ZP2: variants seen among roughly 807,000 people sequenced by gnomAD.
ZP2 encodes the protein zona pellucida sperm-binding protein 2.
ZP2 carries 51 observed loss-of-function variants against 84.0 expected under a neutral mutation model. The observed-to-expected ratio is 0.61, with a 90% CI of 0.49 to 0.77. The LOEUF (loss-of-function observed/expected upper bound fraction) is 0.77, where lower values mean the gene tolerates loss of function less well. Among genes scored for constraint, ZP2 ranks in the 30% least tolerant of loss-of-function variants. The pLI is 0.00. For missense variants in ZP2, 909 were observed against 911.9 expected, an observed-to-expected ratio of 1.00 and a Z score of 0.04; for synonymous variants, 375 against 330.9, an observed-to-expected ratio of 1.13 and a Z score of -1.45.
intron 14 of ZP2, among the ~76,000 whole-genome samples, 172 bp from the exon 15 acceptor site, chr16:21,200,050 A>C (rs1474617417): frequency 6.6e-6 from 1 of 152,232 alleles, no homozygotes. Context: ...TACCTATGAA[A>C]TCATAAGTTG....
upstream of ZP2, among the ~76,000 whole-genome samples, chr16:21,213,791 G>C (rs866844994): frequency 1.3e-5 from 2 of 152,142 alleles, no homozygotes; most frequent in South Asian, 2.1e-4. Flanking sequence ...TCATTTTATA[G>C]CCAAAGCATG....
chr16:21,212,352 C>T (rs2093278698), upstream of ZP2, among the ~76,000 whole-genome samples: 1 of 152,156 alleles, frequency 6.6e-6, no homozygotes, highest in African/African-American at 2.4e-5. Context: ...CTTAAGCTTA[C>T]CGCAAAGATA....
At chr16:21,214,156 TGTG>T, upstream of ZP2, 1 of 798,062 alleles carries the variant, frequency 1.3e-6, no homozygotes, top group Non-Finnish European at 1.5e-6. Flanking sequence ...AAGCAGGAGA[TGTG>T]GTGAGAAAGC....
intron 3 of ZP2, 53 bp downstream of exon 3, chr16:21,210,056 G>A: frequency 6.5e-7 from 1 of 1,538,956 alleles, no homozygotes; most frequent in South Asian, 1.1e-5. Flanking sequence ...ATTGACCTAA[G>A]CCAAAGGCTG....
chr16:21,208,986 C>CT (rs1419528953), intron 4 of ZP2, among the ~76,000 whole-genome samples: 1 of 152,196 alleles, frequency 6.6e-6, no homozygotes, highest in East Asian at 1.9e-4. Flanking sequence ...GCCAGGGTTT[C>CT]TCATCCTCAA....
chr16:21,197,818 C>T lies in ZP2; in HGVS notation c.2043G>A (p.Gly681=), dbSNP rs760368574. 2.5e-6 allele frequency: 4 copies of T among 1,614,022 alleles called. No homozygotes were observed. Residue 681 remains glycine (G), a synonymous_variant, in exon 18 of 19, where the codon GGG becomes GGA. Transcript: ENST00000574091. Reference sequence around the variant, plus strand: ...CACTCCTACTCTTCTCCCCACTGCTCCCACTTGCTTTTAGATCAGATGAGC... The same window carrying T: ...CACTCCTACTCTTCTCCCCACTGCTTCCACTTGCTTTTAGATCAGATGAGC... The part of the protein sequence containing the change: ...GVGSSDLKAS[G]SSGEKSRSET...
At chr16:21,199,716 G>C in intron 15 of ZP2, 27 bp downstream of exon 15, 1 of 1,613,728 alleles carries the variant, frequency 6.2e-7, no homozygotes, top group Non-Finnish European at 8.5e-7. Flanking sequence ...CATTTAACCT[G>C]TCCCTGGTGA....
In ZP2 at chr16:21,205,461, A is replaced by T. The variant is rs145104390; in HGVS notation, c.652T>A (p.Phe218Ile). Residue 218 changes from phenylalanine to isoleucine, a missense_variant, in exon 7 of 19, where the codon TTC becomes ATC. Transcript: ENST00000574091. ...CCAGTGGCATTGAATGGCACATGGA[A>T]GGTCATCCTGTGGTTGTCAATCAAG... ...SLLIDNHRMTFHVPFNATGVT... is the reference protein window; with the variant it reads ...SLLIDNHRMTIHVPFNATGVT... The T allele has an allele frequency of 2.5e-6, 4 of 1,614,008 alleles. No homozygotes were observed. In the African/African-American group the frequency reaches 5.3e-5, roughly 22 times the overall value.
At chr16:21,204,235 C>A in intron 8 of ZP2, 24 bp from the exon 9 acceptor site, 1 of 1,613,936 alleles carries the variant, frequency 6.2e-7, no homozygotes, top group East Asian at 2.2e-5. Flanking sequence ...CAACAGAATG[C>A]CCATTACCAG....
At position 21,209,711 on chromosome 16, in the gene ZP2, C is replaced by T. The variant is rs369985819; in HGVS notation, c.250G>A (p.Asp84Asn). 30 of 1,613,942 alleles carry T rather than the reference C, an allele frequency of 1.9e-5. No individual in the cohort carries two copies. The highest frequency in any genetic ancestry group is 8.3e-5 in the Admixed American group (5 of 59,980). Residue 84 changes from aspartate to asparagine, a missense_variant, in exon 4 of 19, where the codon GAC (aspartate) becomes AAC (asparagine). Coordinates refer to ENST00000574091, the MANE Select transcript of ZP2 (RefSeq NM_001376232.1). ...HASVVDPLGL[D>N]MPNCTYILDP... is the part of the protein sequence containing the mutation. ...AGGATGTAAGTGCAGTTCGGCATGT[C>T]GAGACCAAGAGGATCTGCCAAGGCC...
chr16:21,197,525 G>T lies in ZP2; in HGVS notation c.2193C>A (p.Gly731=), dbSNP rs2093204672. The T allele has an allele frequency of 1.9e-6, 3 of 1,614,056 alleles. No individual in the cohort carries two copies. Among genetic ancestry groups the T allele is most frequent in the Admixed American group, 1.7e-5 (1 of 60,004 alleles). The change falls in exon 19 of 19, where the codon GGC becomes GGA. Residue 731 remains glycine (G), a synonymous_variant. Transcript: ENST00000574091. ...TTTTCTCGTACAGGTAGTAGATGAA[G>T]CCTAGAGTTGCCACCACACCTGCAA... ...AAFAGVVATL[G]FIYYLYEKRT...
Position 21,199,804 on chromosome 16 carries a change from T to C in ZP2, c.1769A>G (p.Tyr590Cys), listed in dbSNP as rs1175108991. ...VGSSVTHPDH[Y>C]QRFDMKAFAF... ...AAAAGCCTTCATGTCAAACCTCTGA[T>C]AGTGATCAGGATGGGTCACAGAGGA... The change falls in exon 15 of 19, where the codon TAT becomes TGT. Residue 590 changes from tyrosine to cysteine, a missense_variant. Transcript: ENST00000574091. 1.2e-6 allele frequency: 2 copies of C among 1,613,940 alleles called. No individual in the cohort carries two copies. The highest frequency in any genetic ancestry group is 8.5e-7 in the Non-Finnish European group (1 of 1,180,018).
intron 10 of ZP2, 46 bp downstream of exon 10, chr16:21,203,079 C>T: frequency 6.3e-7 from 1 of 1,598,430 alleles, no homozygotes; most frequent in Non-Finnish European, 8.5e-7. Flanking sequence ...GTACAAGAGC[C>T]AAGGGAGAAA....
At chr16:21,199,318 CAAAAAAAAAAAAAAA>C (rs10644558) in intron 16 of ZP2, among the ~76,000 whole-genome samples, 2 of 45,728 alleles carry the variant, frequency 4.4e-5, no homozygotes, top group East Asian at 2.1e-3. Context: ...AAAACTGTCT[CAAAAAAAAAAAAAAA>C]AAAAAAAAAA....
intron 2 of ZP2, among the ~76,000 whole-genome samples, chr16:21,210,537 A>G (rs969681278): frequency 1.3e-5 from 2 of 152,056 alleles, no homozygotes; most frequent in African/African-American, 4.8e-5. Context: ...TTGCAAATTG[A>G]TGTTAAACAA....
At chr16:21,200,213 A>G (rs1397200985) in intron 14 of ZP2, among the ~76,000 whole-genome samples, 2 of 152,158 alleles carry the variant, frequency 1.3e-5, no homozygotes, top group Non-Finnish European at 2.9e-5. Context: ...TGAGGTGGGC[A>G]GATCACCTGA....
At chr16:21,210,018 A>C in intron 3 of ZP2, 91 bp downstream of exon 3, 2 of 1,149,746 alleles carry the variant, frequency 1.7e-6, no homozygotes, top group Non-Finnish European at 2.6e-6. Context: ...TTGCTGCAGG[A>C]GTTTGGGTAC....
intron 4 of ZP2, among the ~76,000 whole-genome samples, chr16:21,208,086 G>A (rs1175974612): frequency 6.6e-6 from 1 of 151,956 alleles, no homozygotes; most frequent in Non-Finnish European, 1.5e-5. Context: ...GCATAGTGTT[G>A]CATGCCTGTA....
chr16:21,202,331 G>T, intron 10 of ZP2, 40 bp from the exon 11 acceptor site: 1 of 1,469,240 alleles, frequency 6.8e-7, no homozygotes, highest in South Asian at 1.5e-5. Context: ...AAGTTTGTCT[G>T]CCCTGTGATA....
Sources: gnomAD v4.1 joint callset for allele counts (sites outside exome capture counted in the v4.1 genomes callset) on GRCh38, gnomAD v4.1.1 for gene constraint, MANE v1.5 for transcripts, NCBI Gene and HGNC (gene_info 2026-07-23, HGNC 2026-07-21) for gene names.